Variants in SMIM27 observed in about 807,000 individuals in gnomAD.
SMIM27 encodes transition zone microprotein 1, also known as TOPORS antisense RNA 1 (non-protein coding).
In SMIM27, 3 loss-of-function variants were observed where a neutral mutation model predicts 1.8. That is an observed-to-expected ratio of 1.65 (90% CI 0.75 to 4.28). The LOEUF is 4.28. Among genes scored for constraint, SMIM27 ranks in the 30% most tolerant of loss-of-function variants. SMIM27 has a pLI of 0.02. For synonymous variants in SMIM27, 19 were observed against 13.9 expected (o/e 1.37, Z -0.82); for missense variants, 63 against 37.0 (o/e 1.70, Z -1.83).
intron 1 of SMIM27, among the ~76,000 whole-genome samples, chr9:32,563,068 T>C (rs1821672824): frequency 6.6e-6 from 1 of 152,250 alleles, no homozygotes; most frequent in Admixed American, 6.5e-5. Flanking sequence ...ATCTTCTGTT[T>C]CCTCATATGA....
chr9:32,552,062 G>A (rs1366134290), upstream of SMIM27, among the ~76,000 whole-genome samples: 1 of 150,186 alleles, frequency 6.7e-6, no homozygotes, highest in East Asian at 2.0e-4. Context: ...TTAAAACGTG[G>A]ATTGTTTTTC....
At chr9:32,556,743 T>C (rs1205678523), downstream of SMIM27, among the ~76,000 whole-genome samples, 2 of 151,778 alleles carry the variant, frequency 1.3e-5, no homozygotes, top group East Asian at 3.9e-4. Flanking sequence ...TAAATATAAA[T>C]TGCCCAGCTG....
upstream of SMIM27, chr9:32,551,272 G>A: frequency 1.8e-6 from 1 of 548,212 alleles, no homozygotes; most frequent in Non-Finnish European, 3.3e-6. Context: ...CTAGTTCGAT[G>A]TCGTTTCAAC....
downstream of SMIM27, among the ~76,000 whole-genome samples, chr9:32,556,221 T>G (rs1301550210): frequency 6.6e-6 from 1 of 152,162 alleles, no homozygotes; most frequent in Non-Finnish European, 1.5e-5. Flanking sequence ...AGAAACTCCA[T>G]GAACAGGGGT....
At chr9:32,566,755 C>G in exon 2 of SMIM27, 1 of 913,022 alleles carries the variant, frequency 1.1e-6, no homozygotes. Flanking sequence ...GGGTCCTCAG[C>G]CCGGGTGTCG....
intron 1 of SMIM27, among the ~76,000 whole-genome samples, chr9:32,565,873 G>A (rs1000936408): frequency 1.3e-5 from 2 of 152,142 alleles, no homozygotes; most frequent in African/African-American, 4.8e-5. Flanking sequence ...TTGGGAGGTT[G>A]AGGCAGGAGA....
At chr9:32,554,641 T>C (rs1456018012), downstream of SMIM27, among the ~76,000 whole-genome samples, 1 of 152,252 alleles carries the variant, frequency 6.6e-6, no homozygotes, top group Non-Finnish European at 1.5e-5. Flanking sequence ...CCTGACCTGG[T>C]ACTGCTCAGG....
At chr9:32,562,643 T>C (rs927232893) in intron 1 of SMIM27, among the ~76,000 whole-genome samples, 1 of 152,212 alleles carries the variant, frequency 6.6e-6, no homozygotes, top group Non-Finnish European at 1.5e-5. Context: ...CTGACTAGTT[T>C]ATTACTCTAG....
At chr9:32,560,898 C>G (rs1022629734) in intron 1 of SMIM27, among the ~76,000 whole-genome samples, 7 of 151,988 alleles carry the variant, frequency 4.6e-5, no homozygotes, top group Non-Finnish European at 8.8e-5. Context: ...ACTCAAGAAC[C>G]ATACATTAAT....
chr9:32,561,618 C>T (rs1821629172), intron 1 of SMIM27, among the ~76,000 whole-genome samples: 1 of 152,230 alleles, frequency 6.6e-6, no homozygotes, highest in African/African-American at 2.4e-5. Flanking sequence ...CATGAGCCAC[C>T]ACACCCAGTC....
At chr9:32,555,051 C>T (rs6476369), downstream of SMIM27, among the ~76,000 whole-genome samples, 2 of 151,292 alleles carry the variant, frequency 1.3e-5, no homozygotes, top group African/African-American at 4.9e-5. Flanking sequence ...ATGGAGAGGA[C>T]GAGAGAACAC....
chr9:32,565,884 A>G (rs1821770740), intron 1 of SMIM27, among the ~76,000 whole-genome samples: 1 of 152,180 alleles, frequency 6.6e-6, no homozygotes, highest in Non-Finnish European at 1.5e-5. Context: ...AGGCAGGAGA[A>G]TCACTTGAAC....
At chr9:32,554,969 G>C (rs1251151831), downstream of SMIM27, among the ~76,000 whole-genome samples, 1 of 152,160 alleles carries the variant, frequency 6.6e-6, no homozygotes, top group Non-Finnish European at 1.5e-5. Flanking sequence ...GGGATCCTTG[G>C]ATGCCTTGGG....
rs1292585536 is a variant in SMIM27 at position 32,552,467 on chromosome 9, G to T, written c.33G>T (p.Trp11Cys). The change falls in exon 1 of 2, where the codon TGG becomes TGT. Residue 11 changes from tryptophan (W) to cysteine (C), a missense_variant. Trp to Cys is a radical substitution (Grantham distance 215, BLOSUM62 -2). Transcript: ENST00000692500. ...CAGTAAGTCGTCGCACGCTGGACTG[G>T]ATTTATTCAGTGGTAAGTCCCGGGG... MKPVSRRTLD[W>C]IYSVLLLAIV... 2 of 1,599,522 alleles carry T rather than the reference G, an allele frequency of 1.3e-6. No homozygotes were observed. Among genetic ancestry groups the T allele is most frequent in the Admixed American group, 3.5e-5 (2 of 57,926 alleles).
chr9:32,566,182 A>G, intron 1 of SMIM27: 1 of 739,728 alleles, frequency 1.4e-6, no homozygotes, highest in South Asian at 1.5e-5. Flanking sequence ...CTTCCTCTTC[A>G]ACCTTGTCTG....
chr9:32,554,185 C>A (rs1007289121), downstream of SMIM27, among the ~76,000 whole-genome samples: 1 of 152,044 alleles, frequency 6.6e-6, no homozygotes, highest in Non-Finnish European at 1.5e-5. Context: ...AAAAAGGGCA[C>A]GAAAATTGTG....
Position 32,561,060 on chromosome 9 carries a change from T to C in SMIM27, c.46-5331T>C, listed in dbSNP as rs926843185. On this transcript the variant is annotated intron_variant, in intron 1 of 1. Transcript: ENST00000451672. The stretch of plus-strand genomic sequence containing the variant: ...ATAACAGATGTATAATGAAATGAAG[T>C]AGCCTTTTTATGAACATAAACTTTT... Among the ~76,000 whole-genome samples, 4 of 152,140 alleles carry C rather than the reference T, an allele frequency of 2.6e-5. No homozygotes were observed. The East Asian group carries it at 7.7e-4, about 29-fold the overall frequency.
downstream of SMIM27, chr9:32,553,819 T>A (rs905484250): frequency 7.2e-6 from 8 of 1,108,236 alleles, no homozygotes; most frequent in African/African-American, 1.3e-4. Context: ...ATTCAGTAAA[T>A]ATGGTAATAT....
chr9:32,555,672 A>G (rs1821436290), downstream of SMIM27, among the ~76,000 whole-genome samples: 1 of 152,194 alleles, frequency 6.6e-6, no homozygotes, highest in Admixed American at 6.5e-5. Flanking sequence ...AATTAAAACA[A>G]CCTCTGGCAT....
Sources: allele counts gnomAD v4.1 joint callset (sites outside exome capture counted in the v4.1 genomes callset), GRCh38; gene constraint gnomAD v4.1.1; transcripts MANE v1.5; gene names NCBI Gene and HGNC (gene_info 2026-07-23, HGNC 2026-07-21).